Variants in SLC7A10 observed in about 807,000 individuals in gnomAD.
SLC7A10 encodes solute carrier family 7 member 10, also known as asc-type amino acid transporter 1.
SLC7A10 carries 30 observed loss-of-function variants against 52.7 expected under a neutral mutation model. The ratio of observed to expected loss-of-function variants is 0.57; its 90% CI spans 0.43 to 0.77. The LOEUF is 0.77. Ranked by LOEUF, SLC7A10 falls within the 30% of genes least tolerant of loss-of-function variation. SLC7A10 has a pLI of 0.00. For missense variants in SLC7A10, 581 were observed against 698.5 expected (o/e 0.83, Z 1.90); for synonymous variants, 318 against 314.9 (o/e 1.01, Z -0.10).
intron 1 of SLC7A10, among the ~76,000 whole-genome samples, chr19:33,219,666 T>A (rs1041439034): frequency 6.6e-6 from 1 of 152,344 alleles, no homozygotes; most frequent in African/African-American, 2.4e-5. Flanking sequence ...GCAGAGGGGA[T>A]GCACCCTGCA....
At position 33,210,666 on chromosome 19, in the gene SLC7A10, G is replaced by C; in HGVS notation, c.1114-50C>G. ...GCTGGCCCCTAGCCTGCCTCCTGAC[G>C]CCCCTGCAGGATGAGCCCTGGCCCC... On this transcript the variant is annotated intron_variant, in intron 8 of 10. Coordinates refer to ENST00000253188, the MANE Select transcript of SLC7A10 (RefSeq NM_019849.3). This position sits in a 1 kb window ranked among gnomAD's most constrained non-coding sequence, Gnocchi z 5.6. 2 of 1,609,508 alleles carry C rather than the reference G, an allele frequency of 1.2e-6. No individual in the cohort carries two copies. The highest frequency in any genetic ancestry group is 1.7e-6 in the Non-Finnish European group (2 of 1,179,618).
At chr19:33,218,502 G>A (rs1389555793) in intron 1 of SLC7A10, among the ~76,000 whole-genome samples, 1 of 151,502 alleles carries the variant, frequency 6.6e-6, no homozygotes, top group African/African-American at 2.4e-5. Context: ...CACGCACTCC[G>A]CACACTGGCT....
chr19:33,215,925 T>C lies in SLC7A10; in HGVS notation c.200A>G (p.Glu67Gly), dbSNP rs775670680. The C allele has an allele frequency of 6.2e-7, 1 of 1,602,864 alleles. No individual in the cohort carries two copies. Among genetic ancestry groups the C allele is most frequent in the Non-Finnish European group, 8.5e-7 (1 of 1,172,386 alleles). Reference sequence around the variant, plus strand: ...GGCCAGACCCACGGAGCCTGAGTGCTCCAGGACCCCCTTGGGCGAGATGAA... The same window carrying C: ...GGCCAGACCCACGGAGCCTGAGTGCCCCAGGACCCCCTTGGGCGAGATGAA... The part of the protein sequence containing the change: ...GIFISPKGVL[E>G]HSGSVGLALF... The change falls in exon 2 of 11, where the codon GAG becomes GGG. Residue 67 changes from glutamate to glycine, a missense_variant. By Grantham distance (98) the Glu-to-Gly change is moderately conservative (BLOSUM62 -2). Coordinates refer to ENST00000253188, the MANE Select transcript of SLC7A10 (RefSeq NM_019849.3).
rs746734870 is a variant in SLC7A10 at position 33,212,963 on chromosome 19, G to A, written c.396C>T (p.Pro132=). The part of the protein sequence containing the change: ...LLWSAVLIMY[P]TSLAVISMTF... ...TCATGGAGATGACAGCAAGGCTGGT[G>A]GGGTACATGATGAGGACGGCGCTCC... The change falls in exon 3 of 11, where the codon CCC becomes CCT. Residue 132 remains proline (P), a synonymous_variant. Coordinates refer to ENST00000253188, the MANE Select transcript of SLC7A10 (RefSeq NM_019849.3). 1.2e-6 allele frequency: 2 copies of A among 1,613,904 alleles called. No homozygotes were observed. The highest frequency in any genetic ancestry group is 2.2e-5 in the South Asian group (2 of 91,054).
chr19:33,215,562 G>A (rs1251177165), intron 2 of SLC7A10, among the ~76,000 whole-genome samples: 1 of 129,244 alleles, frequency 7.7e-6, no homozygotes, highest in East Asian at 2.2e-4. Flanking sequence ...CACCTGCCCT[G>A]TCCTCAGAAG....
At chr19:33,223,882 T>C (rs963646671) in intron 1 of SLC7A10, among the ~76,000 whole-genome samples, 1 of 152,022 alleles carries the variant, frequency 6.6e-6, no homozygotes, top group African/African-American at 2.4e-5. Flanking sequence ...GAGTCTGTCC[T>C]GGAAAAGGAG....
At position 33,210,641 on chromosome 19, in the gene SLC7A10, G is replaced by A. The variant is rs373382221; in HGVS notation, c.1114-25C>T. 37 of 1,610,190 alleles carry A rather than the reference G, an allele frequency of 2.3e-5. No individual in the cohort carries two copies. The highest frequency in any genetic ancestry group is 2.7e-5 in the Non-Finnish European group (32 of 1,179,916). ...ACTGGGAGAGGACCTGGGGCTGACG[G>A]CTGGCCCCTAGCCTGCCTCCTGACG... On this transcript the variant is annotated intron_variant, in intron 8 of 10. Transcript: ENST00000253188. This position sits in a 1 kb window ranked among gnomAD's most constrained non-coding sequence, Gnocchi z 5.6.
chr19:33,209,349 A>T lies in SLC7A10; in HGVS notation c.1400T>A (p.Val467Glu). The T allele has an allele frequency of 6.2e-7, 1 of 1,613,856 alleles. No homozygotes were observed. Among genetic ancestry groups the T allele is most frequent in the Non-Finnish European group, 8.5e-7 (1 of 1,179,964 alleles). The part of the protein sequence containing the change: ...LTGVPIFFLG[V>E]FWRSKPKCVH... ...ACACTTTGGTTTGCTTCTCCAGAAC[A>T]CTCCCAGAAAGAAAATGGGCACCCC... The change falls in exon 10 of 11, where the codon GTG (valine) becomes GAG (glutamate). Residue 467 changes from valine (V) to glutamate (E), a missense_variant. Physicochemically the swap from Val to Glu is moderately radical, Grantham distance 121 (BLOSUM62 -2). Transcript: ENST00000253188.
In SLC7A10 at chr19:33,215,982, GGA is replaced by G; in HGVS notation, c.152-11_152-10del. 1 of 1,569,988 alleles carries G rather than the reference GGA, an allele frequency of 6.4e-7. No individual in the cohort carries two copies. Among genetic ancestry groups the G allele is most frequent in the Non-Finnish European group, 8.7e-7 (1 of 1,150,976 alleles). ...CGAGCCGATGATGTTCCCTGCAGGG[GGA>G]GAGATGGGGAGGCATCAGGCCTGGG... On this transcript the variant is annotated splice_polypyrimidine_tract_variant and intron_variant, in intron 1 of 10. Coordinates refer to ENST00000253188, the MANE Select transcript of SLC7A10 (RefSeq NM_019849.3).
chr19:33,218,669 C>CT (rs11378328), intron 1 of SLC7A10, among the ~76,000 whole-genome samples: 322 of 53,602 alleles, frequency 6.0e-3, no homozygotes, highest in South Asian at 9.0e-3. Flanking sequence ...GGATTTCTTT[C>CT]TTTCTTTCTT....
chr19:33,222,523 C>G (rs974064281), intron 1 of SLC7A10, among the ~76,000 whole-genome samples: 6 of 151,266 alleles, frequency 4.0e-5, no homozygotes, highest in Non-Finnish European at 5.9e-5. Context: ...GAACAGAGCC[C>G]AAATCTGGTT....
At chr19:33,216,048 C>T in intron 1 of SLC7A10, 75 bp from the exon 2 acceptor site, 1 of 1,359,076 alleles carries the variant, frequency 7.4e-7, no homozygotes, top group Non-Finnish European at 9.9e-7. Context: ...GGGGATCTGC[C>T]TGCTGCCAGG....
At position 33,208,975 on chromosome 19, in the gene SLC7A10, G is replaced by C. The variant is rs371628737; in HGVS notation, c.1488C>G (p.Pro496=). Residue 496 remains proline, a synonymous_variant, in exon 11 of 11, where the codon CCC becomes CCG. Transcript: ENST00000253188. The surrounding 1 kb of genome is among the most constrained non-coding windows in gnomAD (Gnocchi z 4.7). ...TCTCCTCCTCTTCGGGGGCGTCCTG[G>C]GGGTAGACCACGAAACACAGCTCCT... is the stretch of plus-strand genomic sequence containing the variant. ...WGQELCFVVY[P]QDAPEEEENG... is the part of the protein sequence containing the mutation. 2.4e-5 allele frequency: 38 copies of C among 1,613,734 alleles called. No individual in the cohort carries two copies. Among genetic ancestry groups the C allele is most frequent in the Non-Finnish European group, 3.1e-5 (36 of 1,180,044 alleles).
chr19:33,217,412 T>G (rs974882755), intron 1 of SLC7A10, among the ~76,000 whole-genome samples: 5 of 152,204 alleles, frequency 3.3e-5, no homozygotes, highest in Admixed American at 3.3e-4. Context: ...TGCTGAGCCC[T>G]GAGCTCCGCA....
chr19:33,223,940 C>T (rs1599962545), intron 1 of SLC7A10, among the ~76,000 whole-genome samples: 1 of 100,822 alleles, frequency 9.9e-6, no homozygotes, highest in African/African-American at 4.1e-5. Context: ...ACCACCTCTA[C>T]CATCACCACC....
At chr19:33,212,118 G>A in intron 5 of SLC7A10, 174 bp downstream of exon 5, 3 of 885,010 alleles carry the variant, frequency 3.4e-6, no homozygotes, top group Non-Finnish European at 5.3e-6. Context: ...AACAGGGCCA[G>A]GCTAGAATGC....
intron 2 of SLC7A10, 142 bp downstream of exon 2, chr19:33,215,617 CTTCTCTCCAT>C: frequency 1.2e-5 from 7 of 585,418 alleles, no homozygotes; most frequent in South Asian, 2.9e-5. Context: ...GCCCCCACAC[CTTCTCTCCAT>C]CCACCCCCCA....
In SLC7A10 at chr19:33,212,509, C is replaced by T. The variant is rs955082298; in HGVS notation, c.634+5G>A. The T allele has an allele frequency of 1.2e-6, 2 of 1,614,016 alleles. No individual in the cohort carries two copies. Among genetic ancestry groups the T allele is most frequent in the South Asian group, 2.2e-5 (2 of 91,088 alleles). On this transcript the variant is annotated splice_donor_5th_base_variant and intron_variant, in intron 4 of 10. Transcript: ENST00000253188. ...AGCCCGGCCCTTACCCCGACTCGGCCCTACCTTGGAAGATCTGGAGAAGGC... is the reference window on the plus strand; with the variant it reads ...AGCCCGGCCCTTACCCCGACTCGGCTCTACCTTGGAAGATCTGGAGAAGGC...
intron 1 of SLC7A10, 37 bp downstream of exon 1, chr19:33,225,516 C>G (rs1315635110): frequency 6.3e-7 from 1 of 1,592,596 alleles, no homozygotes; most frequent in Non-Finnish European, 8.5e-7. Context: ...CCTCATTCGG[C>G]CTCCGCCCGG....
Sources: allele counts gnomAD v4.1 joint callset (sites outside exome capture counted in the v4.1 genomes callset), GRCh38; gene constraint gnomAD v4.1.1; non-coding constraint Gnocchi (gnomAD v3.1); transcripts MANE v1.5; gene names NCBI Gene and HGNC (gene_info 2026-07-23, HGNC 2026-07-21).